The following ERBB4 variants were observed in gnomAD, a reference collection of about 807,000 sequenced individuals.
ERBB4 encodes the protein erb-b2 receptor tyrosine kinase 4, also known as receptor tyrosine-protein kinase erbB-4.
In ERBB4, 42 loss-of-function variants were observed where a neutral mutation model predicts 158.0. That is an observed-to-expected ratio of 0.27 (90% confidence interval 0.21 to 0.34). ERBB4 has a LOEUF of 0.34. Among genes scored for constraint, ERBB4 ranks in the 10% least tolerant of loss-of-function variants. The probability of loss-of-function intolerance (pLI) is 1.00; values close to 1 mark genes in which losing one functional copy is unlikely to be tolerated. For synonymous variants in ERBB4, 583 were observed against 558.7 expected, an observed-to-expected ratio of 1.04 and a Z score of -0.61; for missense variants, 1,333 against 1,624.1, an observed-to-expected ratio of 0.82 and a Z score of 3.08.
At chr2:211,567,637 A>AG (rs1490889875) in intron 19 of ERBB4, among the ~76,000 whole-genome samples, 1 of 152,164 alleles carries the variant, frequency 6.6e-6, no homozygotes, top group Non-Finnish European at 1.5e-5. Context: ...AAAATCTGTT[A>AG]GTAAGTCCTG....
chr2:211,901,239 T>G (rs1317858580), intron 3 of ERBB4, among the ~76,000 whole-genome samples: 1 of 152,182 alleles, frequency 6.6e-6, no homozygotes, highest in Non-Finnish European at 1.5e-5. Flanking sequence ...GTCACTTAGC[T>G]ATTTTGAAAT....
intron 3 of ERBB4, among the ~76,000 whole-genome samples, chr2:211,909,207 C>G (rs1287688831): frequency 2.0e-5 from 3 of 151,578 alleles, no homozygotes; most frequent in East Asian, 2.0e-4. Flanking sequence ...TTTCCAGCAC[C>G]CTTTTTGACA....
chr2:211,701,634 T>C (rs2073246680), intron 12 of ERBB4, among the ~76,000 whole-genome samples: 1 of 151,728 alleles, frequency 6.6e-6, no homozygotes, highest in Non-Finnish European at 1.5e-5. Context: ...GGCGGGCGCC[T>C]GTAGTCCCAG....
intron 20 of ERBB4, among the ~76,000 whole-genome samples, chr2:211,524,130 C>T (rs921875692): frequency 6.6e-6 from 1 of 151,796 alleles, no homozygotes. Context: ...GGTGTATTTA[C>T]GATCCCTGAG....
intron 16 of ERBB4, among the ~76,000 whole-genome samples, chr2:211,639,572 T>C (rs1390638134): frequency 6.6e-6 from 1 of 152,228 alleles, no homozygotes; most frequent in African/African-American, 2.4e-5. Flanking sequence ...TGCACTATAA[T>C]TTCAGATAAT....
Position 211,587,644 on chromosome 2 carries a change from A to G in ERBB4, c.2302-25556T>C, listed in dbSNP as rs117721393. Reference sequence around the variant, plus strand: ...GAATAAATTTCTGTCATTTTAAGGGAAAAAAAAAAAGTACAGTGAATATCA... The same window carrying G: ...GAATAAATTTCTGTCATTTTAAGGGGAAAAAAAAAAGTACAGTGAATATCA... On this transcript the variant is annotated intron_variant, in intron 19 of 27. Transcript: ENST00000342788. 6.5e-3 allele frequency among the ~76,000 whole-genome samples: 961 copies of G among 147,108 alleles called. 11 individuals carry two copies. The highest frequency in any genetic ancestry group is 0.021 in the African/African-American group (837 of 40,336).
At chr2:211,811,058 G>A (rs2076742201) in intron 3 of ERBB4, among the ~76,000 whole-genome samples, 1 of 152,142 alleles carries the variant, frequency 6.6e-6, no homozygotes, top group Non-Finnish European at 1.5e-5. Context: ...CTGTTATTAT[G>A]ATGTTAGCTG....
chr2:212,413,134 A>ATTTTTTTTTTTTTTTTT (rs370397826), intron 1 of ERBB4, among the ~76,000 whole-genome samples: 6 of 101,214 alleles, frequency 5.9e-5, no homozygotes, highest in Non-Finnish European at 9.4e-5. Flanking sequence ...TGCGTGGCTA[A>ATTTTTTTTTTTTTTTTT]TTTTTTTTTT....
chr2:212,257,733 C>T (rs2084793530), intron 1 of ERBB4, among the ~76,000 whole-genome samples: 1 of 152,096 alleles, frequency 6.6e-6, no homozygotes, highest in South Asian at 2.1e-4. Context: ...AGCAAGTAAA[C>T]AAACTTCTTT....
chr2:212,493,969 G>A (rs949688845), intron 1 of ERBB4, among the ~76,000 whole-genome samples: 9 of 151,258 alleles, frequency 6.0e-5, no homozygotes, highest in South Asian at 4.2e-4. Flanking sequence ...TTCTTATTAC[G>A]GATTAAAATT....
At chr2:211,940,292 T>C (rs2080456263) in intron 3 of ERBB4, among the ~76,000 whole-genome samples, 1 of 152,102 alleles carries the variant, frequency 6.6e-6, no homozygotes, top group South Asian at 2.1e-4. Context: ...TTAAAACTAA[T>C]CAATTTCTAG....
At position 212,234,165 on chromosome 2, in the gene ERBB4, A is replaced by G. The variant is rs181113827; in HGVS notation, c.83-109262T>C. Among the ~76,000 whole-genome samples, 603 of 151,976 alleles carry G rather than the reference A, an allele frequency of 4.0e-3. 16 individuals carry two copies. The highest frequency in any genetic ancestry group is 0.037 in the Admixed American group (562 of 15,240). On this transcript the variant is annotated intron_variant, in intron 1 of 27. Coordinates refer to ENST00000342788, the MANE Select transcript of ERBB4 (RefSeq NM_005235.3). The stretch of plus-strand genomic sequence containing the variant: ...AACCTCTGACAGGCCCTGTTGTGTG[A>G]TGTTTCCCTCCCTGTGTCCATGTGT...
At chr2:211,912,182 T>A (rs557134831) in intron 3 of ERBB4, among the ~76,000 whole-genome samples, 87 of 152,206 alleles carry the variant, frequency 5.7e-4, no homozygotes, top group African/African-American at 2.1e-3. Flanking sequence ...ATAGTGAATG[T>A]TAGAAGAGAA....
chr2:212,245,869 A>G (rs898271319), intron 1 of ERBB4, among the ~76,000 whole-genome samples: 2 of 152,046 alleles, frequency 1.3e-5, no homozygotes, highest in African/African-American at 4.8e-5. Context: ...CCTTCTCACT[A>G]TTTACAAAAG....
rs568705269 is a variant in ERBB4 at position 212,412,961 on chromosome 2, G to GT, written c.82+125487dup. 2.0e-3 allele frequency among the ~76,000 whole-genome samples: 305 copies of GT among 149,916 alleles called. 1 individual carries two copies. Among genetic ancestry groups the GT allele is most frequent in the Middle Eastern group, 6.8e-3 (2 of 292 alleles). Reference sequence around the variant, plus strand: ...TATGTAGAGTATTTTTTTTCTTTTTGTTTTTTTTGTTTGTTTGTTTTTTTG... The same window carrying GT: ...TATGTAGAGTATTTTTTTTCTTTTTGTTTTTTTTTGTTTGTTTGTTTTTTTG... On this transcript the variant is annotated intron_variant, in intron 1 of 27. Transcript: ENST00000342788.
chr2:212,168,380 A>G (rs11895992), intron 1 of ERBB4, among the ~76,000 whole-genome samples: 2,033 of 152,248 alleles, frequency 0.013, 35 homozygotes, highest in African/African-American at 0.046. Flanking sequence ...TTCTTCTTGC[A>G]TGACATCTCT....
At chr2:211,461,724 T>C (rs921336869) in intron 20 of ERBB4, among the ~76,000 whole-genome samples, 2 of 151,864 alleles carry the variant, frequency 1.3e-5, no homozygotes, top group African/African-American at 4.8e-5. Flanking sequence ...GCTGAACCAT[T>C]GAGAAAACAA....
At chr2:212,033,943 T>C (rs1421323610) in intron 2 of ERBB4, among the ~76,000 whole-genome samples, 3 of 151,888 alleles carry the variant, frequency 2.0e-5, no homozygotes, top group African/African-American at 7.2e-5. Flanking sequence ...GAAATCTCAA[T>C]AAATCATAAT....
chr2:212,224,267 G>A (rs1375019771), intron 1 of ERBB4, among the ~76,000 whole-genome samples: 1 of 151,750 alleles, frequency 6.6e-6, no homozygotes, highest in African/African-American at 2.4e-5. Flanking sequence ...TAAAGTTGAA[G>A]TTAAATGTAT....
Sources: gnomAD v4.1 joint callset for allele counts (sites outside exome capture counted in the v4.1 genomes callset) on GRCh38, gnomAD v4.1.1 for gene constraint, MANE v1.5 for transcripts, NCBI Gene and HGNC (gene_info 2026-07-23, HGNC 2026-07-21) for gene names.